CDKN1A: variants seen among roughly 807,000 people sequenced by gnomAD.
The protein encoded by CDKN1A is cyclin dependent kinase inhibitor 1A.
Under a neutral mutation model 14.8 loss-of-function variants are expected in CDKN1A, and 14 were observed. That is an observed-to-expected ratio of 0.94 (90% confidence interval 0.62 to 1.48). The LOEUF is 1.48. Among genes scored for constraint, CDKN1A ranks in the 40% most tolerant of loss-of-function variants. The pLI is 0.00. For synonymous variants in CDKN1A, 92 were observed against 93.5 expected (o/e 0.98, Z 0.09); for missense variants, 203 against 231.7 (o/e 0.88, Z 0.80).
chr6:36,681,273 T>TCTCTTTCTTTCCTTCTTTCTTTCC (rs199814609), intron 1 of CDKN1A, among the ~76,000 whole-genome samples: 28 of 94,106 alleles, frequency 3.0e-4, no homozygotes, highest in Middle Eastern at 5.7e-3. Flanking sequence ...CTTTTCTTTC[T>TCTCTTTCTTTCCTTCTTTCTTTCC]TTCTTTTTTT....
upstream of CDKN1A, chr6:36,678,315 C>T (rs1761760920): frequency 5.4e-6 from 1 of 186,808 alleles, no homozygotes; most frequent in Non-Finnish European, 1.1e-5. The surrounding 1 kb of genome is among the most constrained non-coding windows in gnomAD (Gnocchi z 5.7). Context: ...TTTTCAGCTG[C>T]ATTGGGTAAA....
rs1203395813 is a variant in CDKN1A at position 36,681,280 on chromosome 6, TTTTCTTTC to T, written c.-6+2530_-6+2537del. Among the ~76,000 whole-genome samples, 269 of 112,854 alleles carry T rather than the reference TTTTCTTTC, an allele frequency of 2.4e-3. 3 individuals are homozygous for T. The highest frequency in any genetic ancestry group is 3.6e-3 in the Non-Finnish European group (191 of 53,300). The allele number at this position is 112,854 out of a possible 152,430, so 74.0% of individuals were successfully genotyped here. A position where few individuals can be genotyped will look rare whatever the true frequency, so the allele number is the denominator to read the frequency against. On this transcript the variant is annotated intron_variant, in intron 1 of 2. Coordinates refer to ENST00000244741, the MANE Select transcript of CDKN1A (RefSeq NM_000389.5). ...CCTAGGTGCTTTTCTTTCTTTCTTT[TTTTCTTTC>T]TTTCTTTCTTTCTTTCTTTCTTTCT...
intron 1 of CDKN1A, among the ~76,000 whole-genome samples, chr6:36,682,110 C>T (rs1192614981): frequency 6.6e-6 from 1 of 152,092 alleles, no homozygotes; most frequent in East Asian, 1.9e-4. Flanking sequence ...GAGTGGGGTT[C>T]AATACTACAG....
Position 36,685,768 on chromosome 6 carries a change from C to T in CDKN1A, c.463C>T (p.Arg155Cys), listed in dbSNP as rs750249677. 11 of 1,614,202 alleles carry T rather than the reference C, an allele frequency of 6.8e-6. No individual in the cohort carries two copies. The highest frequency in any genetic ancestry group is 2.2e-5 in the South Asian group (2 of 91,082). Residue 155 changes from arginine to cysteine, a missense_variant, in exon 3 of 3, where the codon CGC (arginine) becomes TGC (cysteine). Coordinates refer to ENST00000244741, the MANE Select transcript of CDKN1A (RefSeq NM_000389.5). ...CTCCTCAGATTTCTACCACTCCAAA[C>T]GCCGGCTGATCTTCTCCAAGAGGAA... ...TSMTDFYHSK[R>C]RLIFSKRKP is the part of the protein sequence containing the mutation.
intron 1 of CDKN1A, among the ~76,000 whole-genome samples, chr6:36,681,784 CG>C (rs3176341): frequency 6.6e-6 from 1 of 151,640 alleles, no homozygotes. Context: ...TTAGTAGAGA[CG>C]GGGTTTCACC....
intron 1 of CDKN1A, among the ~76,000 whole-genome samples, chr6:36,679,737 C>G (rs1761840130): frequency 6.6e-6 from 1 of 152,176 alleles, no homozygotes; most frequent in Admixed American, 6.5e-5. Context: ...AGGGTCTCCT[C>G]TACCTCTTTC....
At chr6:36,682,315 T>C (rs1440074347) in intron 1 of CDKN1A, among the ~76,000 whole-genome samples, 3 of 152,238 alleles carry the variant, frequency 2.0e-5, no homozygotes, top group South Asian at 4.1e-4. Context: ...CATAAAAATA[T>C]ATAAATAAAT....
chr6:36,676,978 AT>A (rs36228198), upstream of CDKN1A, among the ~76,000 whole-genome samples: 3,617 of 152,288 alleles, frequency 0.024, 118 homozygotes, highest in African/African-American at 0.077. Flanking sequence ...ATTAAAAAAA[AT>A]TTTCTCCCCA....
At position 36,687,253 on chromosome 6, in the gene CDKN1A, A is replaced by G. The variant is rs1762242201; in HGVS notation, c.*1453A>G. 1 of 232,954 alleles carries G rather than the reference A, an allele frequency of 4.3e-6. No homozygotes were observed. The highest frequency in any genetic ancestry group is 8.5e-6 in the Non-Finnish European group (1 of 117,960). The allele number at this position is 232,954 out of a possible 1,614,324, so 14.4% of individuals were successfully genotyped here. ...CTCGAGGGCAGGGACCACACCCTGTACTGTTCTGTGTCTTTCACAGCTCCT... is the reference window on the plus strand; with the variant it reads ...CTCGAGGGCAGGGACCACACCCTGTGCTGTTCTGTGTCTTTCACAGCTCCT... On this transcript the variant is annotated 3_prime_UTR_variant, in exon 3 of 3. Coordinates refer to ENST00000244741, the MANE Select transcript of CDKN1A (RefSeq NM_000389.5).
chr6:36,683,737 T>C (rs911654475), intron 1 of CDKN1A, among the ~76,000 whole-genome samples: 3 of 152,192 alleles, frequency 2.0e-5, no homozygotes, highest in African/African-American at 4.8e-5. Flanking sequence ...TCACACATAT[T>C]TGGGGGGCAT....
rs765248879 is a variant in CDKN1A at position 36,684,175 on chromosome 6, T to G, written c.74T>G (p.Val25Gly). Reference sequence around the variant, plus strand: ...GCCTGCCGCCGCCTCTTCGGCCCAGTGGACAGCGAGCAGCTGAGCCGCGAC... The same window carrying G: ...GCCTGCCGCCGCCTCTTCGGCCCAGGGGACAGCGAGCAGCTGAGCCGCGAC... Reference protein sequence around the residue: ...SKACRRLFGPVDSEQLSRDCD... With the variant: ...SKACRRLFGPGDSEQLSRDCD... The change falls in exon 2 of 3, where the codon GTG (valine) becomes GGG (glycine). Residue 25 changes from valine (V) to glycine (G), a missense_variant. Physicochemically the swap from Val to Gly is moderately radical, Grantham distance 109. Coordinates refer to ENST00000244741, the MANE Select transcript of CDKN1A (RefSeq NM_000389.5). This position sits in a 1 kb window ranked among gnomAD's most constrained non-coding sequence, Gnocchi z 6.0. 331 of 1,612,112 alleles carry G rather than the reference T, an allele frequency of 2.1e-4. No homozygotes were observed. Among genetic ancestry groups the G allele is most frequent in the Non-Finnish European group, 2.6e-4 (311 of 1,179,964 alleles).
rs1168354285 is a variant in CDKN1A at position 36,684,762 on chromosome 6, G to A, written c.445+216G>A. On this transcript the variant is annotated intron_variant, in intron 2 of 2. Transcript: ENST00000244741. This position sits in a 1 kb window ranked among gnomAD's most constrained non-coding sequence, Gnocchi z 6.0. ...GAATGTTCATTATGCCAGGCCCTTTGCCAAGCTTCTAAGGTAGATTTATTT... is the reference window on the plus strand; with the variant it reads ...GAATGTTCATTATGCCAGGCCCTTTACCAAGCTTCTAAGGTAGATTTATTT... 6.6e-6 allele frequency among the ~76,000 whole-genome samples: 1 copy of A among 152,214 alleles called. No homozygotes were observed. Among genetic ancestry groups the A allele is most frequent in the Non-Finnish European group, 1.5e-5 (1 of 68,030 alleles).
chr6:36,681,114 C>T (rs1367667246), intron 1 of CDKN1A, among the ~76,000 whole-genome samples: 1 of 152,180 alleles, frequency 6.6e-6, no homozygotes, highest in Non-Finnish European at 1.5e-5. Flanking sequence ...CCATTTCAAA[C>T]ATACCAGTGT....
In CDKN1A at chr6:36,685,642, C is replaced by T. The variant is rs568174818; in HGVS notation, c.446-109C>T. The T allele has an allele frequency of 1.1e-5, 12 of 1,075,194 alleles. No homozygotes were observed. The African/African-American group carries it at 1.9e-4, about 17-fold the overall frequency. 66.6% of individuals were successfully genotyped at this position (1,075,194 alleles called of 1,614,324 possible). ...TCTTCCTGTTCTCAGCAGTCGGCCC[C>T]ATTGGCCCCAGGGAAGGGTGTCCTG... On this transcript the variant is annotated intron_variant, in intron 2 of 2. Coordinates refer to ENST00000244741, the MANE Select transcript of CDKN1A (RefSeq NM_000389.5).
At chr6:36,678,175 T>C (rs1761756788), upstream of CDKN1A, 1 of 346,286 alleles carries the variant, frequency 2.9e-6, no homozygotes, top group Admixed American at 4.1e-5. This position sits in a 1 kb window ranked among gnomAD's most constrained non-coding sequence, Gnocchi z 5.7. Context: ...CAGGTGCTTC[T>C]GGGAGAGGTG....
intron 1 of CDKN1A, 130 bp from the exon 2 acceptor site, chr6:36,683,967 C>T: frequency 2.2e-6 from 2 of 916,042 alleles, no homozygotes; most frequent in Non-Finnish European, 3.4e-6. Flanking sequence ...AGCAGGAAGA[C>T]CAGCTGGAAG....
In CDKN1A at chr6:36,684,798, G is replaced by A. The variant is rs1228242458; in HGVS notation, c.445+252G>A. Among the ~76,000 whole-genome samples, 1 of 152,170 alleles carries A rather than the reference G, an allele frequency of 6.6e-6. No homozygotes were observed. The highest frequency in any genetic ancestry group is 1.9e-4 in the East Asian group (1 of 5,200). ...AAGGTAGATTTATTTAGTCCTTATAGCAATGTTATAACATAAGACATTCTT... is the reference window on the plus strand; with the variant it reads ...AAGGTAGATTTATTTAGTCCTTATAACAATGTTATAACATAAGACATTCTT... On this transcript the variant is annotated intron_variant, in intron 2 of 2. Transcript: ENST00000244741. The surrounding 1 kb of genome is among the most constrained non-coding windows in gnomAD (Gnocchi z 6.0).
chr6:36,680,338 G>GTGTGTC (rs1484089782), intron 1 of CDKN1A: 4 of 151,818 alleles, frequency 2.6e-5, no homozygotes, highest in Admixed American at 6.6e-5. Context: ...GTGTGTGTGT[G>GTGTGTC]TGTGTGTCTG....
chr6:36,684,070 A>G lies in CDKN1A; in HGVS notation c.-5-27A>G, dbSNP rs1337523060. 1.2e-6 allele frequency: 2 copies of G among 1,609,394 alleles called. No homozygotes were observed. Among genetic ancestry groups the G allele is most frequent in the Non-Finnish European group, 1.7e-6 (2 of 1,178,098 alleles). ...ATAGTGTCTAATCTCCGCCGTGACC[A>G]GGGCCTTCCTTGTATCTCTGCTGCA... On this transcript the variant is annotated intron_variant, in intron 1 of 2. Coordinates refer to ENST00000244741, the MANE Select transcript of CDKN1A (RefSeq NM_000389.5). This position sits in a 1 kb window ranked among gnomAD's most constrained non-coding sequence, Gnocchi z 6.0.
Sources: gnomAD v4.1 joint callset for allele counts (sites outside exome capture counted in the v4.1 genomes callset) on GRCh38, gnomAD v4.1.1 for gene constraint, Gnocchi (gnomAD v3.1) non-coding constraint, MANE v1.5 for transcripts, NCBI Gene and HGNC (gene_info 2026-07-23, HGNC 2026-07-21) for gene names.